The following MICAL3 variants were observed in gnomAD, a reference collection of about 807,000 sequenced individuals.
The protein encoded by MICAL3 is [F-actin]-monooxygenase MICAL3.
In MICAL3, 62 loss-of-function variants were observed where a neutral mutation model predicts 207.4. The ratio of observed to expected loss-of-function variants is 0.30; its 90% CI spans 0.24 to 0.37. The LOEUF is 0.37. MICAL3 is among the 10% of genes least tolerant of loss of function. The pLI is 1.00. For missense variants in MICAL3, 2,368 were observed against 2,635.6 expected (o/e 0.90, Z 2.22); for synonymous variants, 1,077 against 1,069.3 (o/e 1.01, Z -0.14).
At chr22:17,887,107 G>A (rs1293605456) in intron 15 of MICAL3, 63 bp downstream of exon 15, 2 of 1,289,432 alleles carry the variant, frequency 1.6e-6, no homozygotes, top group Admixed American at 1.9e-5. Flanking sequence ...TGGAAATGAA[G>A]AATTTTAACC....
intron 20 of MICAL3, among the ~76,000 whole-genome samples, chr22:17,838,236 T>C (rs1048660969): frequency 2.0e-5 from 3 of 152,234 alleles, no homozygotes; most frequent in African/African-American, 7.2e-5. Context: ...GAACTAAAAA[T>C]TCTGGGGCTT....
At chr22:17,846,527 G>A (rs183083070) in intron 19 of MICAL3, among the ~76,000 whole-genome samples, 3 of 152,330 alleles carry the variant, frequency 2.0e-5, no homozygotes, top group African/African-American at 7.2e-5. Flanking sequence ...GGTAACAGCA[G>A]GGGCCTGGGC....
intron 7 of MICAL3, among the ~76,000 whole-genome samples, chr22:17,898,516 G>A (rs1250438822): frequency 6.6e-6 from 1 of 152,182 alleles, no homozygotes; most frequent in Non-Finnish European, 1.5e-5. Flanking sequence ...GTCATATAAG[G>A]TAGTACTGTA....
intron 19 of MICAL3, among the ~76,000 whole-genome samples, chr22:17,843,162 A>G (rs1431372646): frequency 6.8e-6 from 1 of 148,130 alleles, no homozygotes; most frequent in East Asian, 2.0e-4. Context: ...CTCCTCCTCC[A>G]CTACCATTCT....
intron 19 of MICAL3, among the ~76,000 whole-genome samples, chr22:17,859,973 G>A (rs897604956): frequency 2.0e-4 from 30 of 152,138 alleles, no homozygotes; most frequent in African/African-American, 5.8e-4. Context: ...CTCTGTTAAC[G>A]GGAAGCTATG....
At chr22:17,813,188 G>C (rs2145995749) in intron 27 of MICAL3, 1 of 152,400 alleles carries the variant, frequency 6.6e-6, no homozygotes, top group East Asian at 1.9e-4. Flanking sequence ...GGCAGCAGCA[G>C]GAGCCTCTTC....
rs539439477 is a variant in MICAL3 at position 17,931,144 on chromosome 22, T to C, written c.-74-24258A>G. Among the ~76,000 whole-genome samples, 190 of 152,256 alleles carry C rather than the reference T, an allele frequency of 1.2e-3. 1 individual carries two copies. The highest frequency in any genetic ancestry group is 4.3e-3 in the African/African-American group (177 of 41,556). ...CCCCACACCCCCTGGTCCCCCAACTTGTGGAGAGTCTAATTCTTGCAATAA... is the reference window on the plus strand; with the variant it reads ...CCCCACACCCCCTGGTCCCCCAACTCGTGGAGAGTCTAATTCTTGCAATAA... On this transcript the variant is annotated intron_variant, in intron 1 of 31. Transcript: ENST00000441493.
chr22:17,953,930 C>CAAAAAAAAAAAAAAAAAAAAACAAAAAAA (rs1934474667), intron 1 of MICAL3, among the ~76,000 whole-genome samples: 1 of 86,538 alleles, frequency 1.2e-5, no homozygotes, highest in Non-Finnish European at 2.3e-5. Context: ...GACTCCATCT[C>CAAAAAAAAAAAAAAAAAAAAACAAAAAAA]AAAAAAAAAA....
intron 1 of MICAL3, among the ~76,000 whole-genome samples, chr22:17,957,340 A>G (rs938004249): frequency 6.6e-6 from 1 of 152,254 alleles, no homozygotes; most frequent in African/African-American, 2.4e-5. Context: ...ACATAAAAAG[A>G]AAATCTTCTT....
intron 1 of MICAL3, among the ~76,000 whole-genome samples, chr22:17,918,910 C>G (rs1932708724): frequency 6.6e-6 from 1 of 152,202 alleles, no homozygotes; most frequent in South Asian, 2.1e-4. Context: ...GCTCTGACTT[C>G]CAGGGCACGA....
At chr22:17,861,883 T>G in intron 19 of MICAL3, 1 of 985,452 alleles carries the variant, frequency 1.0e-6, no homozygotes, top group Non-Finnish European at 1.2e-6. Flanking sequence ...AAAGCCGACC[T>G]AGAGTGGTTC....
intron 1 of MICAL3, among the ~76,000 whole-genome samples, chr22:17,946,287 GAAC>G (rs528744915): frequency 7.0e-4 from 107 of 152,328 alleles, no homozygotes; most frequent in Middle Eastern, 6.8e-3. Flanking sequence ...AACAAAAAGA[GAAC>G]AAAAGCTGCC....
intron 20 of MICAL3, among the ~76,000 whole-genome samples, chr22:17,836,730 C>T (rs1179602072): frequency 1.3e-5 from 2 of 151,698 alleles, no homozygotes; most frequent in Non-Finnish European, 2.9e-5. Flanking sequence ...CTGCAAGCTC[C>T]GCCTCCCAGG....
intron 1 of MICAL3, among the ~76,000 whole-genome samples, chr22:18,009,328 AATTTATAAAATAT>A (rs1923588530): frequency 7.4e-6 from 1 of 135,634 alleles, no homozygotes; most frequent in Non-Finnish European, 1.5e-5. Flanking sequence ...ATCTAAGAAA[AATTTATAAAATAT>A]ATATTATATA....
At chr22:17,807,035 A>G (rs1324535417) in intron 29 of MICAL3, among the ~76,000 whole-genome samples, 1 of 152,234 alleles carries the variant, frequency 6.6e-6, no homozygotes, top group Non-Finnish European at 1.5e-5. Context: ...CCTCAACCTC[A>G]TGAGTAAGGA....
At chr22:17,894,563 G>A (rs8140413) in intron 10 of MICAL3, among the ~76,000 whole-genome samples, 24,472 of 151,708 alleles carry the variant, frequency 0.16, 2,226 homozygotes, top group East Asian at 0.24. Flanking sequence ...TAGGGGCCAG[G>A]CACGGTGGGC....
At position 17,822,077 on chromosome 22, in the gene MICAL3, G is replaced by A. The variant is rs200633079; in HGVS notation, c.3401C>T (p.Ser1134Leu). 45 of 1,613,788 alleles carry A rather than the reference G, an allele frequency of 2.8e-5. No homozygotes were observed. Among genetic ancestry groups the A allele is most frequent in the African/African-American group, 2.5e-4 (19 of 74,938 alleles). ...GGCGGGCAGCTTCTCCTCATCTTCC[G>A]ACACCCTCAGCTCCAGCTCTGCTTC... ...EGEAELELRV[S>L]EDEEKLPASP... Residue 1134 changes from serine (S) to leucine (L), a missense_variant, in exon 24 of 32, where the codon TCG (serine) becomes TTG (leucine). By Grantham distance (145) the Ser-to-Leu change is moderately radical. Around this residue, in one of 4 missense-constraint regions of MICAL3, gnomAD observed 1,770 missense variants for 1,863.2 expected, o/e 0.95. Coordinates refer to ENST00000441493, the MANE Select transcript of MICAL3 (RefSeq NM_015241.3).
chr22:17,970,675 T>C (rs548898400), intron 1 of MICAL3, among the ~76,000 whole-genome samples: 10 of 152,234 alleles, frequency 6.6e-5, no homozygotes, highest in Admixed American at 4.6e-4. Flanking sequence ...TGGCACACAG[T>C]AGGTGCCTTA....
At chr22:17,808,615 T>C (rs1297437894) in intron 29 of MICAL3, among the ~76,000 whole-genome samples, 2 of 152,128 alleles carry the variant, frequency 1.3e-5, no homozygotes, top group African/African-American at 4.8e-5. Flanking sequence ...TTTCACTCTA[T>C]GGGAAATGGC....
Sources: gnomAD v4.1 joint callset for allele counts (sites outside exome capture counted in the v4.1 genomes callset) on GRCh38, gnomAD v4.1.1 for gene constraint, gnomAD v4.1.1 regional missense constraint, MANE v1.5 for transcripts, NCBI Gene and HGNC (gene_info 2026-07-23, HGNC 2026-07-21) for gene names.